COL4A3: variants seen among roughly 807,000 people sequenced by gnomAD.
The protein encoded by COL4A3 is collagen alpha-3(IV) chain.
COL4A3 carries 135 observed loss-of-function variants against 217.4 expected under a neutral mutation model. The ratio of observed to expected loss-of-function variants is 0.62; its 90% CI spans 0.54 to 0.72. The LOEUF is 0.72. COL4A3 is among the 30% of genes least tolerant of loss of function. COL4A3 has a pLI of 0.00. For missense variants in COL4A3, 1,868 were observed against 2,119.9 expected (o/e 0.88, Z 2.33); for synonymous variants, 690 against 736.3 (o/e 0.94, Z 1.02).
chr2:227,202,342 T>C lies in COL4A3; in HGVS notation c.88-35626T>C, dbSNP rs115493926. Among the ~76,000 whole-genome samples, 975 of 152,276 alleles carry C rather than the reference T, an allele frequency of 6.4e-3. 10 individuals carry two copies. The highest frequency in any genetic ancestry group is 0.023 in the African/African-American group (943 of 41,542). ...CCTAACAAATGTTACCATTTCCAAC[T>C]ATAGGTGTTTCTTGAAGCCCTAAAT... On this transcript the variant is annotated intron_variant, in intron 1 of 51. Coordinates refer to ENST00000396578, the MANE Select transcript of COL4A3 (RefSeq NM_000091.5).
intron 1 of COL4A3, among the ~76,000 whole-genome samples, chr2:227,228,854 A>G (rs2068237793): frequency 6.6e-6 from 1 of 152,156 alleles, no homozygotes; most frequent in African/African-American, 2.4e-5. Context: ...CAGTTTAGGG[A>G]AAGTGATAAA....
chr2:227,195,667 ATGTGTGTG>A (rs34242264), intron 1 of COL4A3, among the ~76,000 whole-genome samples: 3 of 139,984 alleles, frequency 2.1e-5, no homozygotes, highest in African/African-American at 8.1e-5. Flanking sequence ...ATATATATAT[ATGTGTGTG>A]TGTGTGTGTG....
In COL4A3 at chr2:227,248,466, T is replaced by G; in HGVS notation, c.492T>G (p.Asp164Glu). The change falls in exon 9 of 52, where the codon GAT (aspartate) becomes GAG (glutamate). Residue 164 changes from aspartate (D) to glutamate (E), a missense_variant. Transcript: ENST00000396578. ...GQKGAPAKEE[D>E]IELDAKGDPG... ...AGGGTGCTCCTGCTAAAGAAGAAGA[T>G]ATAGAACTTGATGCAAAAGGCGACC... 1 of 1,612,818 alleles carries G rather than the reference T, an allele frequency of 6.2e-7. No individual in the cohort carries two copies.
chr2:227,240,780 G>T (rs749877678), intron 3 of COL4A3, among the ~76,000 whole-genome samples: 2 of 152,152 alleles, frequency 1.3e-5, no homozygotes. Context: ...CTTCTTAAAA[G>T]AATAGTCAAA....
chr2:227,266,121 T>C (rs572125625), intron 21 of COL4A3, among the ~76,000 whole-genome samples: 3 of 152,148 alleles, frequency 2.0e-5, no homozygotes, highest in South Asian at 2.1e-4. Flanking sequence ...AGCCAAACCA[T>C]ATCAACTTGG....
chr2:227,220,760 G>A (rs1490372209), intron 1 of COL4A3, among the ~76,000 whole-genome samples: 2 of 152,158 alleles, frequency 1.3e-5, no homozygotes, highest in Admixed American at 6.5e-5. Flanking sequence ...CACCATGCCT[G>A]GCCATAAGGC....
chr2:227,253,298 T>C lies in COL4A3; in HGVS notation c.648T>C (p.Gly216=), dbSNP rs1477935236. The part of the protein sequence containing the change: ...PGAMGPRGPK[G]HMGERVIGHK... The stretch of plus-strand genomic sequence containing the variant: ...TTTGGTTTTGTGTTTTCTTACAGGG[T>C]CACATGGGTGAAAGAGTGATAGGAC... The change falls in exon 12 of 52, where the codon GGT becomes GGC. Residue 216 remains glycine (G), a splice_region_variant and synonymous_variant. Transcript: ENST00000396578. This position sits in a 1 kb window ranked among gnomAD's most constrained non-coding sequence, Gnocchi z 4.4. The C allele has an allele frequency of 6.2e-7, 1 of 1,613,562 alleles. No homozygotes were observed.
At position 227,310,779 on chromosome 2, in the gene COL4A3, A is replaced by G; in HGVS notation, c.4759A>G (p.Thr1587Ala). Reference protein sequence around the residue: ...LWKGFSFIMFTSAGSEGTGQA... With the variant: ...LWKGFSFIMFASAGSEGTGQA... Reference sequence around the variant, plus strand: ...CAGATTTTTAAAATTGTGGTAGTTCACAAGTGCAGGTTCTGAGGGCACCGG... The same window carrying G: ...CAGATTTTTAAAATTGTGGTAGTTCGCAAGTGCAGGTTCTGAGGGCACCGG... The change falls in exon 51 of 52, where the codon ACA (threonine) becomes GCA (alanine). Residue 1587 changes from threonine (T) to alanine (A), a missense_variant. Thr to Ala is a moderately conservative substitution (Grantham distance 58). Coordinates refer to ENST00000396578, the MANE Select transcript of COL4A3 (RefSeq NM_000091.5). 1 of 1,613,896 alleles carries G rather than the reference A, an allele frequency of 6.2e-7. No homozygotes were observed. Among genetic ancestry groups the G allele is most frequent in the African/African-American group, 1.3e-5 (1 of 75,016 alleles).
At position 227,227,334 on chromosome 2, in the gene COL4A3, C is replaced by T. The variant is rs138057511; in HGVS notation, c.88-10634C>T. 6.6e-3 allele frequency among the ~76,000 whole-genome samples: 1,008 copies of T among 152,244 alleles called. 8 individuals are homozygous for T. Among genetic ancestry groups the T allele is most frequent in the African/African-American group, 0.022 (918 of 41,524 alleles). ...AATACAGGCCGGGCACGCTGGCTCA[C>T]GCCTGTAATCCCAGCACTTTGGGAG... is the stretch of plus-strand genomic sequence containing the variant. On this transcript the variant is annotated intron_variant, in intron 1 of 51. Transcript: ENST00000396578.
At chr2:227,278,273 T>C (rs2071712203) in intron 28 of COL4A3, among the ~76,000 whole-genome samples, 1 of 152,180 alleles carries the variant, frequency 6.6e-6, no homozygotes, top group African/African-American at 2.4e-5. Flanking sequence ...ATCTAGACGC[T>C]GAGAGCTCAC....
intron 43 of COL4A3, chr2:227,301,679 A>G (rs533229204): frequency 6.6e-6 from 1 of 152,376 alleles, no homozygotes; most frequent in African/African-American, 2.4e-5. Flanking sequence ...ATAGGCTTCT[A>G]TACTTACAGT....
intron 1 of COL4A3, among the ~76,000 whole-genome samples, chr2:227,172,739 AC>A (rs2065536430): frequency 6.6e-6 from 1 of 151,756 alleles, no homozygotes. Flanking sequence ...GGCATAGGCC[AC>A]CACACCCGGC....
chr2:227,236,066 G>T (rs1472875572), intron 1 of COL4A3, among the ~76,000 whole-genome samples: 1 of 152,144 alleles, frequency 6.6e-6, no homozygotes, highest in African/African-American at 2.4e-5. Flanking sequence ...GAGCCCCCGT[G>T]CCCAGCCTAT....
intron 1 of COL4A3, chr2:227,222,398 G>C (rs2125827156): frequency 6.6e-6 from 1 of 152,158 alleles, no homozygotes; most frequent in Admixed American, 6.5e-5. Flanking sequence ...GCTTTGTCCA[G>C]AGAGTGTCCT....
At position 227,261,066 on chromosome 2, in the gene COL4A3, T is replaced by C; in HGVS notation, c.1115-16T>C. 6.2e-7 allele frequency: 1 copy of C among 1,605,076 alleles called. No individual in the cohort carries two copies. The highest frequency in any genetic ancestry group is 1.3e-5 in the African/African-American group (1 of 74,846). On this transcript the variant is annotated splice_polypyrimidine_tract_variant and intron_variant, in intron 19 of 51. Transcript: ENST00000396578. ...TATATCTTTCTAAGCAATTAATTAA[T>C]GTTATATATTCCCAGGTCCCAGTGG...
At chr2:227,290,424 C>T (rs1023077467) in intron 36 of COL4A3, among the ~76,000 whole-genome samples, 3 of 152,006 alleles carry the variant, frequency 2.0e-5, no homozygotes, top group South Asian at 2.1e-4. Context: ...CGCTTGAACC[C>T]GAGAGGTGGA....
chr2:227,244,317 T>C lies in COL4A3; in HGVS notation c.235-3T>C, dbSNP rs2069191191. ...TACTTTTTCTTTTTTCACTTGAATC[T>C]AGGGCTTTCCAGGACTTCCAGGACT... is the stretch of plus-strand genomic sequence containing the variant. On this transcript the variant is annotated splice_polypyrimidine_tract_variant and splice_region_variant and intron_variant, in intron 3 of 51. Coordinates refer to ENST00000396578, the MANE Select transcript of COL4A3 (RefSeq NM_000091.5). 6.2e-7 allele frequency: 1 copy of C among 1,613,792 alleles called. No homozygotes were observed. Among genetic ancestry groups the C allele is most frequent in the Non-Finnish European group, 8.5e-7 (1 of 1,179,852 alleles).
At chr2:227,290,136 G>A in intron 36 of COL4A3, 48 bp downstream of exon 36, 1 of 1,537,632 alleles carries the variant, frequency 6.5e-7, no homozygotes, top group Non-Finnish European at 9.0e-7. Flanking sequence ...TGATGGGTGA[G>A]GACTCCAGAT....
At chr2:227,226,755 C>T (rs2068116230) in intron 1 of COL4A3, among the ~76,000 whole-genome samples, 1 of 152,204 alleles carries the variant, frequency 6.6e-6, no homozygotes, top group Non-Finnish European at 1.5e-5. Context: ...TAGGCATGAG[C>T]CACCGCACCT....
Sources: allele counts gnomAD v4.1 joint callset (sites outside exome capture counted in the v4.1 genomes callset), GRCh38; gene constraint gnomAD v4.1.1; non-coding constraint Gnocchi (gnomAD v3.1); transcripts MANE v1.5; gene names NCBI Gene and HGNC (gene_info 2026-07-23, HGNC 2026-07-21).